Variants in SMU1 observed in about 807,000 individuals in gnomAD.
SMU1 encodes the protein SMU1 DNA replication regulator and spliceosomal factor, also known as WD40 repeat-containing protein SMU1.
SMU1 carries 2 observed loss-of-function variants against 62.0 expected under a neutral mutation model. That is an observed-to-expected ratio of 0.03 (90% CI 0.01 to 0.10). The LOEUF (loss-of-function observed/expected upper bound fraction) is 0.10, where lower values mean the gene tolerates loss of function less well. SMU1 is among the 10% of genes least tolerant of loss of function. The pLI is 1.00. For synonymous variants in SMU1, 188 were observed against 212.4 expected (o/e 0.89, Z 1.00); for missense variants, 227 against 622.1 (o/e 0.36, Z 6.76).
chr9:33,059,775 T>G lies in SMU1; in HGVS notation c.750+690A>C, dbSNP rs1222509131. Among the ~76,000 whole-genome samples the G allele has an allele frequency of 1.1e-4, 17 of 150,714 alleles. No individual in the cohort carries two copies. In the East Asian group the frequency reaches 3.5e-3, roughly 31 times the overall value. ...CACCCACCACCAGGCCCAGCTAATT[T>G]TTTTTAGTTTATTTTTAGTAGAGAA... On this transcript the variant is annotated intron_variant, in intron 6 of 11. Coordinates refer to ENST00000397149, the MANE Select transcript of SMU1 (RefSeq NM_018225.3).
rs188819515 is a variant in SMU1 at position 33,066,760 on chromosome 9, C to T, written c.501+2064G>A. Among the ~76,000 whole-genome samples, 90 of 151,034 alleles carry T rather than the reference C, an allele frequency of 6.0e-4. 2 individuals are homozygous for T. The highest frequency in any genetic ancestry group is 1.0e-4 in the Non-Finnish European group (7 of 67,730). ...GGCGGAGGTTGCAGTGAGCCAAGAT[C>T]GTGCCACTGCACTCCAGCCTGGCGA... is the stretch of plus-strand genomic sequence containing the variant. On this transcript the variant is annotated intron_variant, in intron 4 of 11. Transcript: ENST00000397149.
chr9:33,064,440 T>A (rs921600066), intron 4 of SMU1, among the ~76,000 whole-genome samples: 2 of 152,220 alleles, frequency 1.3e-5, no homozygotes, highest in Admixed American at 1.3e-4. Context: ...ACATAAAATA[T>A]GGGAGCAGGC....
At chr9:33,052,050 T>C (rs1298812298) in intron 10 of SMU1, among the ~76,000 whole-genome samples, 3 of 151,268 alleles carry the variant, frequency 2.0e-5, no homozygotes, top group African/African-American at 4.9e-5. Context: ...TGTATCCTGA[T>C]TGTAATGGTG....
chr9:33,054,965 T>G (rs1839288529), intron 9 of SMU1, among the ~76,000 whole-genome samples: 1 of 152,210 alleles, frequency 6.6e-6, no homozygotes, highest in Non-Finnish European at 1.5e-5. Context: ...GAACCTTAGA[T>G]AAGCCATCTT....
At chr9:33,074,336 T>G (rs542184562) in intron 1 of SMU1, among the ~76,000 whole-genome samples, 1 of 152,134 alleles carries the variant, frequency 6.6e-6, no homozygotes, top group African/African-American at 2.4e-5. Context: ...TGGTGGCATG[T>G]GCCTGTAGTC....
Position 33,045,866 on chromosome 9 carries a change from T to A in SMU1, c.*1427A>T, listed in dbSNP as rs1399865087. On this transcript the variant is annotated 3_prime_UTR_variant, in exon 12 of 12. Coordinates refer to ENST00000397149, the MANE Select transcript of SMU1 (RefSeq NM_018225.3). ...TCTCAGAAAAATAAAATAAATTTTTTAAAAAGGTAAATTACAAGACTGCAA... is the reference window on the plus strand; with the variant it reads ...TCTCAGAAAAATAAAATAAATTTTTAAAAAAGGTAAATTACAAGACTGCAA... 1 of 152,144 alleles carries A rather than the reference T, an allele frequency of 6.6e-6. No homozygotes were observed. The highest frequency in any genetic ancestry group is 1.5e-5 in the Non-Finnish European group (1 of 68,026). The allele number at this position is 152,144 out of a possible 1,614,324, so 9.4% of individuals were successfully genotyped here.
chr9:33,056,990 T>TA, intron 7 of SMU1, 26 bp from the exon 8 acceptor site: 2 of 1,589,344 alleles, frequency 1.3e-6, no homozygotes, highest in Non-Finnish European at 1.7e-6. Flanking sequence ...AAAAAAGAAT[T>TA]AAAAAAACCT....
intron 6 of SMU1, 24 bp from the exon 7 acceptor site, chr9:33,057,738 TATC>T (rs1324821012): frequency 6.2e-7 from 1 of 1,612,474 alleles, no homozygotes; most frequent in African/African-American, 1.3e-5. Flanking sequence ...GGTTAGCAGT[TATC>T]AAAATAACAC....
At position 33,056,015 on chromosome 9, in the gene SMU1, T is replaced by C; in HGVS notation, c.1122+98A>G. The C allele has an allele frequency of 3.2e-6, 4 of 1,241,480 alleles. No individual in the cohort carries two copies. The Admixed American group carries it at 9.7e-5, about 30-fold the overall frequency. 76.9% of individuals were successfully genotyped at this position (1,241,480 alleles called of 1,614,324 possible). On this transcript the variant is annotated intron_variant, in intron 9 of 11. Transcript: ENST00000397149. ...AGCTAAAATAGCCAGGAAAGAGGTT[T>C]ACTACAGCACAATCATTCCCATTAT... is the stretch of plus-strand genomic sequence containing the variant.
At chr9:33,076,445 C>G in intron 1 of SMU1, 138 bp downstream of exon 1, 1 of 1,080,290 alleles carries the variant, frequency 9.3e-7, no homozygotes, top group Non-Finnish European at 1.4e-6. Flanking sequence ...TAGCGAGATC[C>G]AAGATGCTTC....
rs944399194 is a variant in SMU1 at position 33,071,905 on chromosome 9, A to G, written c.238-13T>C. On this transcript the variant is annotated splice_polypyrimidine_tract_variant and intron_variant, in intron 2 of 11. Transcript: ENST00000397149. ...ATTCCAGAACAACCTGGACAATTAA[A>G]AAAAAACAAAAAAAACCCCAGATGT... The G allele has an allele frequency of 6.7e-7, 1 of 1,501,704 alleles. No individual in the cohort carries two copies. Among genetic ancestry groups the G allele is most frequent in the African/African-American group, 1.4e-5 (1 of 69,134 alleles). 93.0% of individuals were successfully genotyped at this position (1,501,704 alleles called of 1,614,324 possible).
At chr9:33,074,346 C>T (rs1413768028) in intron 1 of SMU1, among the ~76,000 whole-genome samples, 1 of 152,018 alleles carries the variant, frequency 6.6e-6, no homozygotes, top group Non-Finnish European at 1.5e-5. Flanking sequence ...TGCCTGTAGT[C>T]CCAGCTACTT....
chr9:33,052,029 A>C (rs886311920), intron 10 of SMU1, among the ~76,000 whole-genome samples: 10 of 152,112 alleles, frequency 6.6e-5, no homozygotes, highest in Admixed American at 4.6e-4. Context: ...AAAAAAAAAA[A>C]AAAACAGTTC....
intron 2 of SMU1, 143 bp from the exon 3 acceptor site, chr9:33,072,035 G>A (rs971901003): frequency 2.4e-6 from 2 of 823,072 alleles, no homozygotes; most frequent in East Asian, 6.4e-5. Context: ...ATTTTCACTA[G>A]CAATTTCAGG....
intron 10 of SMU1, among the ~76,000 whole-genome samples, chr9:33,049,788 A>ACACACAC (rs1564019330): frequency 1.3e-5 from 2 of 150,944 alleles, no homozygotes; most frequent in African/African-American, 4.9e-5. Context: ...ACACACACAC[A>ACACACAC]AAAGTCGGGC....
At position 33,051,116 on chromosome 9, in the gene SMU1, G is replaced by A. The variant is rs57455821; in HGVS notation, c.1290+2007C>T. On this transcript the variant is annotated intron_variant, in intron 10 of 11. Transcript: ENST00000397149. The stretch of plus-strand genomic sequence containing the variant: ...AGCCTGGGCGACAGAGCGAGACTCT[G>A]TCTCAAAAAAAAAAAAAAATAAAAA... Among the ~76,000 whole-genome samples the A allele has an allele frequency of 7.3e-3, 685 of 94,310 alleles. 145 individuals carry two copies. The highest frequency in any genetic ancestry group is 8.3e-3 in the African/African-American group (219 of 26,328). 61.9% of individuals were successfully genotyped at this position (94,310 alleles called of 152,430 possible). A position where few individuals can be genotyped will look rare whatever the true frequency, so the allele number is the denominator to read the frequency against.
chr9:33,054,048 G>A (rs1399964456), intron 9 of SMU1, among the ~76,000 whole-genome samples: 2 of 152,196 alleles, frequency 1.3e-5, no homozygotes, highest in Non-Finnish European at 2.9e-5. Context: ...ACTTTGGGAA[G>A]CCAAGGCGGG....
chr9:33,052,157 G>T (rs537648818), intron 10 of SMU1, among the ~76,000 whole-genome samples: 1 of 152,032 alleles, frequency 6.6e-6, no homozygotes, highest in East Asian at 1.9e-4. Flanking sequence ...GTAAAAACTG[G>T]TTATATCTAA....
At chr9:33,071,034 A>G (rs142817160) in intron 3 of SMU1, among the ~76,000 whole-genome samples, 1,548 of 152,352 alleles carry the variant, frequency 0.01, 23 homozygotes, top group African/African-American at 0.035. Flanking sequence ...TGTTTGTAAC[A>G]CAAAGGATAC....
Sources: allele counts gnomAD v4.1 joint callset (sites outside exome capture counted in the v4.1 genomes callset), GRCh38; gene constraint gnomAD v4.1.1; transcripts MANE v1.5; gene names NCBI Gene and HGNC (gene_info 2026-07-23, HGNC 2026-07-21).